Variants in SEMA6B observed in about 807,000 individuals in gnomAD.
SEMA6B encodes semaphorin-6B.
SEMA6B carries 47 observed loss-of-function variants against 78.6 expected under a neutral mutation model. The observed-to-expected ratio is 0.60, with a 90% CI of 0.47 to 0.76. The LOEUF (loss-of-function observed/expected upper bound fraction) is 0.76. Ranked by LOEUF, SEMA6B falls within the 30% of genes least tolerant of loss-of-function variation. The probability of loss-of-function intolerance (pLI) is 0.00; values close to 1 mark genes in which losing one functional copy is unlikely to be tolerated. For synonymous variants in SEMA6B, 632 were observed against 592.2 expected (o/e 1.07, Z -0.98); for missense variants, 1,213 against 1,269.9 (o/e 0.96, Z 0.68).
intron 10 of SEMA6B, among the ~76,000 whole-genome samples, chr19:4,551,439 C>T (rs567847973): frequency 1.5e-4 from 23 of 151,798 alleles, no homozygotes; most frequent in African/African-American, 4.3e-4. Context: ...AGGCTGGTTT[C>T]GAACTCCTGA....
At chr19:4,546,174 A>G in intron 16 of SEMA6B, 42 bp downstream of exon 16, 1 of 1,529,722 alleles carries the variant, frequency 6.5e-7, no homozygotes. Flanking sequence ...CCCCCATGGT[A>G]GTGGGGGATG....
chr19:4,548,629 G>A (rs150358397), intron 12 of SEMA6B, among the ~76,000 whole-genome samples, 184 bp from the exon 13 acceptor site: 12 of 152,344 alleles, frequency 7.9e-5, no homozygotes, highest in East Asian at 3.9e-4. Context: ...GGGCACACTC[G>A]CCCTTTTTTG....
Position 4,550,922 on chromosome 19 carries a change from C to G in SEMA6B, c.998G>C (p.Gly333Ala), listed in dbSNP as rs1568255486. Residue 333 changes from glycine (G) to alanine (A), a missense_variant, in exon 11 of 17, where the codon GGC becomes GCC. Gly to Ala is a moderately conservative substitution (Grantham distance 60). Transcript: ENST00000586582. The surrounding 1 kb of genome is among the most constrained non-coding windows in gnomAD (Gnocchi z 6.6). ...CAGGTCAAAGGCGCAGACAGCCGAG[C>G]CAGGGATGCTGAGGGGTTGGGATGA... The part of the protein sequence containing the change: ...VFSTPSNSIP[G>A]SAVCAFDLTQ... 1 of 1,613,590 alleles carries G rather than the reference C, an allele frequency of 6.2e-7. No homozygotes were observed. The highest frequency in any genetic ancestry group is 8.5e-7 in the Non-Finnish European group (1 of 1,179,968).
intron 10 of SEMA6B, among the ~76,000 whole-genome samples, chr19:4,551,697 C>T (rs576230367): frequency 5.6e-4 from 85 of 151,886 alleles, no homozygotes; most frequent in Non-Finnish European, 7.8e-4. Context: ...GGTGTGGTGG[C>T]GCACGCCTGT....
rs1487646249 is a variant in SEMA6B, at chr19:4,544,760, C to T, written c.1739-231G>A. On this transcript the variant is annotated intron_variant, in intron 16 of 16. Transcript: ENST00000586582. The surrounding 1 kb of genome is among the most constrained non-coding windows in gnomAD (Gnocchi z 5.1). ...AAGTGATTCTCCTGCCTCAGCCTCC[C>T]GAGTAGCTGGGACCACAGGTGCCCA... Among the ~76,000 whole-genome samples the T allele has an allele frequency of 1.3e-5, 2 of 151,900 alleles. No homozygotes were observed. Among genetic ancestry groups the T allele is most frequent in the Admixed American group, 6.6e-5 (1 of 15,240 alleles).
At chr19:4,546,361 ACCCT>A in intron 15 of SEMA6B, 27 bp downstream of exon 15, 1 of 1,582,406 alleles carries the variant, frequency 6.3e-7, no homozygotes, top group South Asian at 1.1e-5. Flanking sequence ...GGTCTGACAC[ACCCT>A]CCACCCACCT....
chr19:4,556,105 G>T lies in SEMA6B; in HGVS notation c.370-16C>A. 1 of 1,594,260 alleles carries T rather than the reference G, an allele frequency of 6.3e-7. No individual in the cohort carries two copies. The highest frequency in any genetic ancestry group is 1.1e-5 in the South Asian group (1 of 90,706). ...GACACTCGCCCTGAGGTGGGGACAG[G>T]AGGAAGCGGGGAGCGCGATGTGGGC... is the stretch of plus-strand genomic sequence containing the variant. On this transcript the variant is annotated splice_polypyrimidine_tract_variant and intron_variant, in intron 5 of 16. Coordinates refer to ENST00000586582, the MANE Select transcript of SEMA6B (RefSeq NM_032108.4).
chr19:4,544,049 G>C lies in SEMA6B; in HGVS notation c.2219C>G (p.Pro740Arg). 8.2e-7 allele frequency: 1 copy of C among 1,224,674 alleles called. No individual in the cohort carries two copies. 75.9% of individuals were successfully genotyped at this position (1,224,674 alleles called of 1,614,324 possible). ...LGPRAWDHGH[P>R]LLPASASSSL... ...GGATGAAGCGGAGGCCGGGAGCAGGGGGTGGCCGTGGTCCCAGGCGCGGGG... is the reference window on the plus strand; with the variant it reads ...GGATGAAGCGGAGGCCGGGAGCAGGCGGTGGCCGTGGTCCCAGGCGCGGGG... The change falls in exon 17 of 17, where the codon CCC (proline) becomes CGC (arginine). Residue 740 changes from proline to arginine, a missense_variant. Coordinates refer to ENST00000586582, the MANE Select transcript of SEMA6B (RefSeq NM_032108.4). The surrounding 1 kb of genome is among the most constrained non-coding windows in gnomAD (Gnocchi z 5.1).
rs886088208 is a variant in SEMA6B at position 4,558,252 on chromosome 19, C to T, written c.121+85G>A. On this transcript the variant is annotated intron_variant, in intron 2 of 16. Coordinates refer to ENST00000586582, the MANE Select transcript of SEMA6B (RefSeq NM_032108.4). This position sits in a 1 kb window ranked among gnomAD's most constrained non-coding sequence, Gnocchi z 5.1. The stretch of plus-strand genomic sequence containing the variant: ...GGGGTGGCTCCTGGACTGCTTGAGT[C>T]CCCCAGTGGGGGCAGCAGACCCAAC... 9 of 1,302,130 alleles carry T rather than the reference C, an allele frequency of 6.9e-6. No individual in the cohort carries two copies. Among genetic ancestry groups the T allele is most frequent in the Non-Finnish European group, 7.9e-6 (8 of 1,014,996 alleles). The allele number at this position is 1,302,130 out of a possible 1,614,324, so 80.7% of individuals were successfully genotyped here. A position where few individuals can be genotyped will look rare whatever the true frequency, so the allele number is the denominator to read the frequency against.
Position 4,554,501 on chromosome 19 carries a change from T to C in SEMA6B, c.683-25A>G, listed in dbSNP as rs769909302. The stretch of plus-strand genomic sequence containing the variant: ...TCTGCAGGACAGGAGGGGTCAGAAC[T>C]CAGCCCCTGACATGACAAAGGGGGT... On this transcript the variant is annotated intron_variant, in intron 8 of 16. Coordinates refer to ENST00000586582, the MANE Select transcript of SEMA6B (RefSeq NM_032108.4). 1.2e-5 allele frequency: 19 copies of C among 1,584,304 alleles called. No homozygotes were observed. In the South Asian group the frequency reaches 1.9e-4, roughly 16 times the overall value.
At position 4,544,191 on chromosome 19, in the gene SEMA6B, T is replaced by G; in HGVS notation, c.2077A>C (p.Thr693Pro). The G allele has an allele frequency of 1.6e-6, 2 of 1,269,830 alleles. No homozygotes were observed. Among genetic ancestry groups the G allele is most frequent in the Middle Eastern group, 2.7e-4 (1 of 3,642 alleles). 78.7% of individuals were successfully genotyped at this position (1,269,830 alleles called of 1,614,324 possible). A position where few individuals can be genotyped will look rare whatever the true frequency, so the allele number is the denominator to read the frequency against. The change falls in exon 17 of 17, where the codon ACG becomes CCG. Residue 693 changes from threonine (T) to proline (P), a missense_variant. Coordinates refer to ENST00000586582, the MANE Select transcript of SEMA6B (RefSeq NM_032108.4). This position sits in a 1 kb window ranked among gnomAD's most constrained non-coding sequence, Gnocchi z 5.1. ...TCGTGGGGCCCGCCCTGCAGCAGCGTGGCCTTGGCCCAGCCGTTCTGCATC... is the reference window on the plus strand; with the variant it reads ...TCGTGGGGCCCGCCCTGCAGCAGCGGGGCCTTGGCCCAGCCGTTCTGCATC... ...PLMQNGWAKA[T>P]LLQGGPHDLD...
In SEMA6B at chr19:4,543,266, C is replaced by G; in HGVS notation, c.*335G>C. On this transcript the variant is annotated 3_prime_UTR_variant, in exon 17 of 17. Transcript: ENST00000586582. ...AAGCCTCCCCTGCCTGCCGCCACCC[C>G]GAGAACGGAGTTGTGCAATTGGTTA... The G allele has an allele frequency of 1.9e-6, 1 of 530,096 alleles. No individual in the cohort carries two copies. 32.8% of individuals were successfully genotyped at this position (530,096 alleles called of 1,614,324 possible).
At chr19:4,545,466 T>C (rs936305452) in intron 16 of SEMA6B, among the ~76,000 whole-genome samples, 4 of 152,056 alleles carry the variant, frequency 2.6e-5, no homozygotes, top group African/African-American at 7.2e-5. Context: ...GCCTCCCAAG[T>C]AGCTGGAACT....
intron 14 of SEMA6B, among the ~76,000 whole-genome samples, chr19:4,546,934 A>G (rs1157873612): frequency 1.4e-5 from 2 of 145,538 alleles, no homozygotes. Context: ...TTTTAAAATT[A>G]AAAAAATTTT....
chr19:4,544,565 C>G lies in SEMA6B; in HGVS notation c.1739-36G>C. ...AGCACAGGGGGGTTAGTGGGGCCGG[C>G]GGGGTGGCCCTGGGCATCCCTCCTA... On this transcript the variant is annotated intron_variant, in intron 16 of 16. Transcript: ENST00000586582. This position sits in a 1 kb window ranked among gnomAD's most constrained non-coding sequence, Gnocchi z 5.1. 1 of 1,376,040 alleles carries G rather than the reference C, an allele frequency of 7.3e-7. No individual in the cohort carries two copies. The highest frequency in any genetic ancestry group is 9.5e-7 in the Non-Finnish European group (1 of 1,049,384). The allele number at this position is 1,376,040 out of a possible 1,614,324, so 85.2% of individuals were successfully genotyped here.
chr19:4,557,168 G>T lies in SEMA6B; in HGVS notation c.301C>A (p.Gln101Lys). ...CACCTGCACCCCTTCCTCACCCTCT[G>T]GTACCGCAGCTCCGTGGACGTGGGG... ...EPPTSTELRY[Q>K]RKLTWRSNPS... Residue 101 changes from glutamine to lysine, a missense_variant, in exon 4 of 17, where the codon CAG becomes AAG. Coordinates refer to ENST00000586582, the MANE Select transcript of SEMA6B (RefSeq NM_032108.4). The T allele has an allele frequency of 6.2e-7, 1 of 1,610,664 alleles. No homozygotes were observed.
At position 4,548,357 on chromosome 19, in the gene SEMA6B, C is replaced by T. The variant is rs139857831; in HGVS notation, c.1360G>A (p.Val454Ile). 661 of 1,613,872 alleles carry T rather than the reference C, an allele frequency of 4.1e-4. 5 individuals carry two copies. In the African/African-American group the frequency reaches 7.9e-3, roughly 19 times the overall value. The change falls in exon 13 of 17, where the codon GTC becomes ATC. Residue 454 changes from valine to isoleucine, a missense_variant. Coordinates refer to ENST00000586582, the MANE Select transcript of SEMA6B (RefSeq NM_032108.4). The stretch of plus-strand genomic sequence containing the variant: ...TTGGGCCGGACGAGGAACTTGAGGA[C>T]CGTCCCCGCCTCAGAACCCAGGAAG... ...VVFLGSEAGT[V>I]LKFLVRPNAS...
Position 4,558,124 on chromosome 19 carries a change from C to T in SEMA6B, c.147G>A (p.Val49=). The change falls in exon 3 of 17, where the codon GTG becomes GTA. Residue 49 remains valine (V), a synonymous_variant. Transcript: ENST00000586582. This position sits in a 1 kb window ranked among gnomAD's most constrained non-coding sequence, Gnocchi z 5.1. ...RDYLNHYPVF[V]GSGPGRLTPA... ...GGGTCAGGCGTCCGGGCCCGCTGCC[C>T]ACAAACACGGGATAGTGGTTCAGGT... The T allele has an allele frequency of 6.6e-7, 1 of 1,517,314 alleles. No individual in the cohort carries two copies. The highest frequency in any genetic ancestry group is 8.9e-7 in the Non-Finnish European group (1 of 1,124,826). 94.0% of individuals were successfully genotyped at this position (1,517,314 alleles called of 1,614,324 possible).
chr19:4,544,397 A>G lies in SEMA6B; in HGVS notation c.1871T>C (p.Leu624Pro). 1.2e-6 allele frequency: 2 copies of G among 1,600,402 alleles called. No homozygotes were observed. Among genetic ancestry groups the G allele is most frequent in the Non-Finnish European group, 1.7e-6 (2 of 1,174,936 alleles). The change falls in exon 17 of 17, where the codon CTC (leucine) becomes CCC (proline). Residue 624 changes from leucine (L) to proline (P), a missense_variant. Leu to Pro is a moderately conservative substitution (Grantham distance 98, BLOSUM62 -3). Coordinates refer to ENST00000586582, the MANE Select transcript of SEMA6B (RefSeq NM_032108.4). This position sits in a 1 kb window ranked among gnomAD's most constrained non-coding sequence, Gnocchi z 5.1. Reference sequence around the variant, plus strand: ...CCGGGCCAGCTCCCGCCGCTCACGGAGGCCCACGAACCAGCCCACGCTGAA... The same window carrying G: ...CCGGGCCAGCTCCCGCCGCTCACGGGGGCCCACGAACCAGCCCACGCTGAA... ...SGFSVGWFVG[L>P]RERRELARRK...
Sources: gnomAD v4.1 joint callset for allele counts (sites outside exome capture counted in the v4.1 genomes callset) on GRCh38, gnomAD v4.1.1 for gene constraint, Gnocchi (gnomAD v3.1) non-coding constraint, MANE v1.5 for transcripts, NCBI Gene and HGNC (gene_info 2026-07-23, HGNC 2026-07-21) for gene names.